The following DGKH variants were observed in gnomAD, a reference collection of about 807,000 sequenced individuals.
DGKH encodes the protein diacylglycerol kinase eta.
Under a neutral mutation model 159.3 loss-of-function variants are expected in DGKH, and 90 were observed. That is an observed-to-expected ratio of 0.57 (90% CI 0.48 to 0.67). The LOEUF is 0.67. DGKH is among the 30% of genes least tolerant of loss of function. The probability of loss-of-function intolerance (pLI) is 0.00; values close to 1 mark genes in which losing one functional copy is unlikely to be tolerated. For synonymous variants in DGKH, 536 were observed against 553.8 expected (o/e 0.97, Z 0.45); for missense variants, 1,181 against 1,506.1 (o/e 0.78, Z 3.57).
At chr13:42,163,066 C>A (rs1320011643) in intron 7 of DGKH, among the ~76,000 whole-genome samples, 3 of 146,862 alleles carry the variant, frequency 2.0e-5, no homozygotes, top group African/African-American at 7.5e-5. Context: ...CCTGTGTCCA[C>A]GTGTTCTCAT....
At chr13:42,165,032 C>G (rs558616425) in intron 7 of DGKH, among the ~76,000 whole-genome samples, 1 of 152,130 alleles carries the variant, frequency 6.6e-6, no homozygotes, top group East Asian at 1.9e-4. Context: ...TCTCTGCCTC[C>G]CTTCCTCTGC....
At chr13:42,083,589 T>C (rs1407868856) in intron 1 of DGKH, among the ~76,000 whole-genome samples, 1 of 152,178 alleles carries the variant, frequency 6.6e-6, no homozygotes, top group Non-Finnish European at 1.5e-5. Flanking sequence ...CCCTGGGGTA[T>C]AGCGGAAGTT....
Position 42,127,662 on chromosome 13 carries a change from G to A in DGKH, c.303+89G>A, listed in dbSNP as rs145137625. On this transcript the variant is annotated intron_variant, in intron 2 of 29. Coordinates refer to ENST00000337343, the MANE Select transcript of DGKH (RefSeq NM_178009.5). ...TGTAAGCTGTTTTTGTCTTGGAAGC[G>A]CACTGTAGCATTATGCTCTTATATG... 4.9e-4 allele frequency: 457 copies of A among 926,708 alleles called. 4 individuals carry two copies. The East Asian group carries it at 0.011, about 22-fold the overall frequency. 57.4% of individuals were successfully genotyped at this position (926,708 alleles called of 1,614,324 possible).
intron 30 of DGKH, among the ~76,000 whole-genome samples, chr13:42,254,384 T>C (rs1958642576): frequency 1.3e-5 from 2 of 152,112 alleles, no homozygotes; most frequent in African/African-American, 4.8e-5. Flanking sequence ...TCCCAGCACT[T>C]TGGGAGGCTG....
chr13:42,195,102 TTC>T, intron 17 of DGKH, 86 bp downstream of exon 17: 1 of 1,482,016 alleles, frequency 6.7e-7, no homozygotes, highest in East Asian at 2.3e-5. Flanking sequence ...TGGAAACATG[TTC>T]TTAAAGATAA....
At chr13:42,185,161 T>C (rs957697559) in intron 13 of DGKH, among the ~76,000 whole-genome samples, 1 of 152,224 alleles carries the variant, frequency 6.6e-6, no homozygotes, top group Non-Finnish European at 1.5e-5. Flanking sequence ...ATATTTTATT[T>C]CTGTTTTAAT....
rs1051495434 is a variant in DGKH, at chr13:42,239,225, C to T, written c.*10037C>T. Reference sequence around the variant, plus strand: ...CTGTTTACAGATTATAATTGCGCAGCATTTTAAAAAAATATACATAATTAT... The same window carrying T: ...CTGTTTACAGATTATAATTGCGCAGTATTTTAAAAAAATATACATAATTAT... On this transcript the variant is annotated 3_prime_UTR_variant, in exon 30 of 30. Coordinates refer to ENST00000337343, the MANE Select transcript of DGKH (RefSeq NM_178009.5). The T allele has an allele frequency of 6.6e-6, 1 of 152,004 alleles. No individual in the cohort carries two copies. The highest frequency in any genetic ancestry group is 2.4e-5 in the African/African-American group (1 of 41,386). The allele number at this position is 152,004 out of a possible 1,614,324, so 9.4% of individuals were successfully genotyped here. A position where few individuals can be genotyped will look rare whatever the true frequency, so the allele number is the denominator to read the frequency against.
chr13:42,087,295 T>C (rs2137736099), intron 1 of DGKH, among the ~76,000 whole-genome samples: 1 of 152,256 alleles, frequency 6.6e-6, no homozygotes, highest in Non-Finnish European at 1.5e-5. Flanking sequence ...AAGCCTGAAA[T>C]GAATTTAAGT....
chr13:42,247,307 G>A (rs1265271839), downstream of DGKH, among the ~76,000 whole-genome samples: 1 of 149,238 alleles, frequency 6.7e-6, no homozygotes, highest in Non-Finnish European at 1.5e-5. Context: ...CTCGACTCAC[G>A]GCAACCTGTG....
chr13:42,114,223 A>G (rs1245488896), intron 1 of DGKH, among the ~76,000 whole-genome samples: 1 of 152,188 alleles, frequency 6.6e-6, no homozygotes, highest in African/African-American at 2.4e-5. Context: ...TATTTGCCAC[A>G]GGGACAATTT....
At chr13:42,205,531 C>T (rs1432304901) in intron 20 of DGKH, among the ~76,000 whole-genome samples, 1 of 152,122 alleles carries the variant, frequency 6.6e-6, no homozygotes, top group African/African-American at 2.4e-5. Context: ...TTCTGAGATG[C>T]ATATATTTTT....
At chr13:42,198,675 A>C (rs1957270475) in intron 18 of DGKH, 80 bp downstream of exon 18, 2 of 1,190,902 alleles carry the variant, frequency 1.7e-6, no homozygotes, top group Admixed American at 2.1e-5. Flanking sequence ...TAACATTTTA[A>C]ATGTATTACA....
At chr13:42,159,461 G>T (rs1956125013) in intron 6 of DGKH, 89 bp downstream of exon 6, 5 of 914,466 alleles carry the variant, frequency 5.5e-6, no homozygotes, top group African/African-American at 1.7e-5. Context: ...AAGTAGGAAT[G>T]CTTATTATTA....
At chr13:42,151,548 C>T (rs1162593131) in intron 3 of DGKH, among the ~76,000 whole-genome samples, 1 of 106,152 alleles carries the variant, frequency 9.4e-6, no homozygotes, top group African/African-American at 3.6e-5. Context: ...TATATATACA[C>T]GTGTATATAT....
intron 21 of DGKH, among the ~76,000 whole-genome samples, chr13:42,206,825 T>C (rs1304999721): frequency 6.6e-6 from 1 of 152,052 alleles, no homozygotes; most frequent in East Asian, 1.9e-4. Context: ...CATCCCCATC[T>C]CAAGGCCCTT....
At position 42,070,905 on chromosome 13, in the gene DGKH, T is replaced by C. The variant is rs149171832; in HGVS notation, c.192+21940T>C. The C allele has an allele frequency of 3.8e-4, 486 of 1,277,752 alleles. 2 individuals carry two copies. In the African/African-American group the frequency reaches 6.4e-3, roughly 17 times the overall value. The allele number at this position is 1,277,752 out of a possible 1,614,324, so 79.2% of individuals were successfully genotyped here. On this transcript the variant is annotated intron_variant, in intron 1 of 29. Coordinates refer to ENST00000337343, the MANE Select transcript of DGKH (RefSeq NM_178009.5). ...GTCTTCTAATAATCTTGATTTCACA[T>C]AGAGCATGTTTGACACTCTGGGGAT...
At chr13:42,071,959 G>A (rs150148294) in intron 1 of DGKH, among the ~76,000 whole-genome samples, 443 of 152,264 alleles carry the variant, frequency 2.9e-3, no homozygotes, top group African/African-American at 0.01. Context: ...ACTTTTATCA[G>A]TACATTTTAT....
chr13:42,161,107 G>A (rs1284243371), intron 7 of DGKH, among the ~76,000 whole-genome samples: 1 of 151,986 alleles, frequency 6.6e-6, no homozygotes, highest in Non-Finnish European at 1.5e-5. Context: ...CTAATATATA[G>A]ACTGTAACAG....
At chr13:42,159,900 C>A in intron 6 of DGKH, 111 bp from the exon 7 acceptor site, 1 of 1,481,008 alleles carries the variant, frequency 6.8e-7, no homozygotes, top group Non-Finnish European at 9.3e-7. Context: ...GAATGCTATG[C>A]ATGAAACGTA....
Sources: allele counts gnomAD v4.1 joint callset (sites outside exome capture counted in the v4.1 genomes callset), GRCh38; gene constraint gnomAD v4.1.1; transcripts MANE v1.5; gene names NCBI Gene and HGNC (gene_info 2026-07-23, HGNC 2026-07-21).